Variants in FOXP2 observed in about 807,000 individuals in gnomAD.
FOXP2 encodes the protein forkhead box protein P2.
In FOXP2, 12 loss-of-function variants were observed where a neutral mutation model predicts 115.8. The observed-to-expected ratio is 0.10, with a 90% CI of 0.07 to 0.17. The LOEUF is 0.17. Ranked by LOEUF, FOXP2 falls within the 10% of genes least tolerant of loss-of-function variation. The pLI, the probability that FOXP2 is intolerant of heterozygous loss-of-function variation, is 1.00. For synonymous variants in FOXP2, 328 were observed against 297.7 expected (o/e 1.10, Z -1.05); for missense variants, 629 against 843.5 (o/e 0.75, Z 3.15).
chr7:114,386,667 G>A (rs1290559615), intron 2 of FOXP2, among the ~76,000 whole-genome samples: 4 of 152,190 alleles, frequency 2.6e-5, no homozygotes, highest in Non-Finnish European at 1.5e-5. Flanking sequence ...AATATTGGAA[G>A]TGAAGGTTAA....
intron 3 of FOXP2, among the ~76,000 whole-genome samples, chr7:114,586,716 G>T (rs1393013379): frequency 6.6e-6 from 1 of 151,844 alleles, no homozygotes; most frequent in East Asian, 1.9e-4. Flanking sequence ...ATTTCACTGG[G>T]TATATTTCCA....
At chr7:114,461,347 C>G (rs1414246804) in intron 2 of FOXP2, among the ~76,000 whole-genome samples, 2 of 152,036 alleles carry the variant, frequency 1.3e-5, no homozygotes, top group African/African-American at 2.4e-5. Flanking sequence ...ATTTTGTGAA[C>G]TATTATACTT....
intron 2 of FOXP2, chr7:114,498,958 G>T: frequency 1.4e-6 from 1 of 717,368 alleles, no homozygotes; most frequent in East Asian, 2.7e-5. Flanking sequence ...CTAGAAGAGC[G>T]ATTCTCAAAA....
chr7:114,569,077 TA>T (rs1441552875), intron 3 of FOXP2, among the ~76,000 whole-genome samples: 1 of 151,990 alleles, frequency 6.6e-6, no homozygotes, highest in Non-Finnish European at 1.5e-5. Flanking sequence ...GACAATCACT[TA>T]TTTTTTATGT....
At chr7:114,292,194 A>G (rs541890159) in intron 2 of FOXP2, among the ~76,000 whole-genome samples, 31 of 151,816 alleles carry the variant, frequency 2.0e-4, no homozygotes, top group Admixed American at 5.9e-4. Context: ...AAGGAATTTT[A>G]CAGGGCATGA....
intron 2 of FOXP2, among the ~76,000 whole-genome samples, chr7:114,327,246 G>A (rs1217866017): frequency 6.6e-6 from 1 of 152,172 alleles, no homozygotes; most frequent in East Asian, 1.9e-4. Context: ...GTACTTAGCA[G>A]TAGGTGGAAC....
At chr7:114,531,487 T>C (rs1388780838) in intron 2 of FOXP2, among the ~76,000 whole-genome samples, 1 of 151,814 alleles carries the variant, frequency 6.6e-6, no homozygotes, top group African/African-American at 2.4e-5. Flanking sequence ...TAAAGTGTTA[T>C]CCAGAATACT....
At chr7:114,268,747 G>A (rs982380251) in intron 1 of FOXP2, among the ~76,000 whole-genome samples, 21 of 150,976 alleles carry the variant, frequency 1.4e-4, no homozygotes, top group African/African-American at 4.1e-4. Flanking sequence ...TGTATTTTCC[G>A]TTAATCGTTT....
intron 1 of FOXP2, among the ~76,000 whole-genome samples, chr7:114,227,795 T>C (rs936502566): frequency 6.6e-6 from 1 of 151,938 alleles, no homozygotes; most frequent in Non-Finnish European, 1.5e-5. Context: ...AAACTAGACA[T>C]GAAGCAGCGT....
At chr7:114,523,320 G>T (rs1056569040) in intron 2 of FOXP2, among the ~76,000 whole-genome samples, 20 of 151,914 alleles carry the variant, frequency 1.3e-4, no homozygotes, top group African/African-American at 4.8e-4. Flanking sequence ...TTAGCTTTAG[G>T]GTCTCTCTTT....
chr7:114,234,577 A>G (rs914686172), intron 1 of FOXP2, among the ~76,000 whole-genome samples: 2 of 152,214 alleles, frequency 1.3e-5, no homozygotes, highest in Admixed American at 6.5e-5. Flanking sequence ...AAACAAACAA[A>G]CAAACAAAAA....
chr7:114,214,112 C>G (rs190367217), intron 1 of FOXP2, among the ~76,000 whole-genome samples: 1 of 152,186 alleles, frequency 6.6e-6, no homozygotes, highest in Admixed American at 6.5e-5. Context: ...ACATTTTATA[C>G]ATTTTGAATG....
chr7:114,385,165 G>A (rs1057193514), intron 2 of FOXP2, among the ~76,000 whole-genome samples: 15 of 151,880 alleles, frequency 9.9e-5, no homozygotes, highest in Admixed American at 6.6e-4. Flanking sequence ...TACCTAAATC[G>A]GGAGGGATAC....
At chr7:114,274,661 C>CTGGAGTG (rs1321074915) in intron 1 of FOXP2, among the ~76,000 whole-genome samples, 1 of 109,116 alleles carries the variant, frequency 9.2e-6, no homozygotes, top group African/African-American at 3.5e-5. Flanking sequence ...GTTGTCTGGG[C>CTGGAGTG]TGGAGTGCAG....
intron 1 of FOXP2, among the ~76,000 whole-genome samples, chr7:114,194,964 G>T (rs1793866686): frequency 6.6e-6 from 1 of 152,022 alleles, no homozygotes. Flanking sequence ...TTGCCTTAAT[G>T]TATATCATTT....
chr7:114,609,984 A>G (rs1803542146), intron 3 of FOXP2, among the ~76,000 whole-genome samples: 1 of 152,186 alleles, frequency 6.6e-6, no homozygotes, highest in African/African-American at 2.4e-5. Flanking sequence ...TCACTTGGAG[A>G]CAAGGAGACA....
chr7:114,308,009 T>C (rs1409431547), intron 2 of FOXP2, among the ~76,000 whole-genome samples: 1 of 152,102 alleles, frequency 6.6e-6, no homozygotes, highest in African/African-American at 2.4e-5. Flanking sequence ...CGTTAATTAA[T>C]TGTTCCTCAC....
intron 2 of FOXP2, among the ~76,000 whole-genome samples, chr7:114,464,334 T>C (rs10228327): frequency 0.45 from 69,084 of 151,940 alleles, 15,857 homozygotes; most frequent in Admixed American, 0.52. Context: ...GGATGACTTA[T>C]GACCTTTAAA....
intron 2 of FOXP2, among the ~76,000 whole-genome samples, chr7:114,433,994 G>GA (rs1010420394): frequency 2.0e-5 from 3 of 151,536 alleles, no homozygotes; most frequent in South Asian, 2.1e-4. Flanking sequence ...GCAATATATT[G>GA]AAAAAAAAGT....
Sources: allele counts gnomAD v4.1 joint callset (sites outside exome capture counted in the v4.1 genomes callset), GRCh38; gene constraint gnomAD v4.1.1; transcripts MANE v1.5; gene names NCBI Gene and HGNC (gene_info 2026-07-23, HGNC 2026-07-21).